Variants in FMO2 observed in about 807,000 individuals in gnomAD.
The protein encoded by FMO2 is flavin-containing monooxygenase 2.
A neutral mutation model predicts 41.6 loss-of-function variants in FMO2; 33 were observed. The ratio of observed to expected loss-of-function variants is 0.79; its 90% CI spans 0.60 to 1.06. The LOEUF (loss-of-function observed/expected upper bound fraction) is 1.06. FMO2 is among the 50% of genes least tolerant of loss of function. The pLI is 0.00. For synonymous variants in FMO2, 214 were observed against 219.6 expected, an observed-to-expected ratio of 0.97 and a Z score of 0.23; for missense variants, 619 against 632.9, an observed-to-expected ratio of 0.98 and a Z score of 0.23.
At chr1:171,194,797 G>A (rs917410625) in intron 3 of FMO2, among the ~76,000 whole-genome samples, 3 of 126,810 alleles carry the variant, frequency 2.4e-5, no homozygotes, top group African/African-American at 6.5e-5. Context: ...ATAACTGTTA[G>A]TGAGGCTTAT....
intron 5 of FMO2, among the ~76,000 whole-genome samples, chr1:171,203,541 G>A (rs1658625180): frequency 6.6e-6 from 1 of 152,074 alleles, no homozygotes; most frequent in African/African-American, 2.4e-5. Context: ...AACATGAGAG[G>A]AGGGAGGGAG....
Position 171,212,103 on chromosome 1 carries a change from A to G in FMO2, c.*2958A>G, listed in dbSNP as rs1403599419. Among the ~76,000 whole-genome samples, 1 of 152,158 alleles carries G rather than the reference A, an allele frequency of 6.6e-6. No homozygotes were observed. The highest frequency in any genetic ancestry group is 2.4e-5 in the African/African-American group (1 of 41,428). On this transcript the variant is annotated 3_prime_UTR_variant, in exon 9 of 9. Coordinates refer to ENST00000209929, the MANE Select transcript of FMO2 (RefSeq NM_001460.5). ...AGAATGTCAATGGTTATCACCTTCA[A>G]TAGTTTCAATATGTCCCCCAAAGTT...
chr1:171,206,724 T>G (rs751482974), intron 7 of FMO2, among the ~76,000 whole-genome samples: 1 of 152,170 alleles, frequency 6.6e-6, no homozygotes, highest in South Asian at 2.1e-4. Context: ...ACACTTCAGA[T>G]AGATTGTTTC....
intron 2 of FMO2, among the ~76,000 whole-genome samples, chr1:171,190,321 T>G (rs544198930): frequency 6.6e-6 from 1 of 152,334 alleles, no homozygotes; most frequent in African/African-American, 2.4e-5. Context: ...TTTCTGACAT[T>G]CTGAAAATTC....
At chr1:171,203,177 C>G (rs1658603259) in intron 5 of FMO2, among the ~76,000 whole-genome samples, 1 of 151,844 alleles carries the variant, frequency 6.6e-6, no homozygotes, top group African/African-American at 2.4e-5. Flanking sequence ...ACCGTCTCTA[C>G]AAAAAAATTG....
chr1:171,203,892 T>C lies in FMO2; in HGVS notation c.655T>C (p.Trp219Arg). Reference sequence around the variant, plus strand: ...TTTTATCAGCACCAGGCATGGCACCTGGGTCATGAGCCGTATCTCTGAAGA... The same window carrying C: ...TTTTATCAGCACCAGGCATGGCACCCGGGTCATGAGCCGTATCTCTGAAGA... ...QVFISTRHGT[W>R]VMSRISEDGY... Residue 219 changes from tryptophan to arginine, a missense_variant, in exon 6 of 9, where the codon TGG becomes CGG. Coordinates refer to ENST00000209929, the MANE Select transcript of FMO2 (RefSeq NM_001460.5). The C allele has an allele frequency of 6.2e-7, 1 of 1,613,570 alleles. No individual in the cohort carries two copies. Among genetic ancestry groups the C allele is most frequent in the Non-Finnish European group, 8.5e-7 (1 of 1,179,642 alleles).
chr1:171,185,445 C>T, intron 1 of FMO2, 86 bp downstream of exon 1: 1 of 296,332 alleles, frequency 3.4e-6, no homozygotes, highest in South Asian at 6.7e-5. Flanking sequence ...TAGTATGTTA[C>T]TGCATAGTCT....
At chr1:171,203,323 T>TCTCACACA (rs1553239438) in intron 5 of FMO2, among the ~76,000 whole-genome samples, 3 of 144,058 alleles carry the variant, frequency 2.1e-5, no homozygotes, top group African/African-American at 7.9e-5. Context: ...AGACCCTGTC[T>TCTCACACA]CACACACACA....
chr1:171,205,786 G>A, intron 7 of FMO2, 152 bp downstream of exon 7: 1 of 532,628 alleles, frequency 1.9e-6, no homozygotes, highest in Non-Finnish European at 3.3e-6. Flanking sequence ...AAAAGTTACT[G>A]GAGAATTCAA....
intron 2 of FMO2, 144 bp downstream of exon 2, chr1:171,185,989 T>C (rs1316504234): frequency 2.4e-5 from 22 of 901,998 alleles, no homozygotes; most frequent in Non-Finnish European, 3.7e-5. Context: ...ATAATGGAAC[T>C]GAAGTCATAG....
chr1:171,199,643 A>G, intron 5 of FMO2, 155 bp downstream of exon 5: 1 of 586,508 alleles, frequency 1.7e-6, no homozygotes, highest in Middle Eastern at 4.8e-4. Context: ...TCAAGAAACC[A>G]CTTTACCTCC....
At chr1:171,194,347 C>A (rs924789507) in intron 3 of FMO2, among the ~76,000 whole-genome samples, 1 of 152,184 alleles carries the variant, frequency 6.6e-6, no homozygotes, top group Admixed American at 6.5e-5. Flanking sequence ...TTGGAATTAC[C>A]TTTTCCTGTG....
chr1:171,204,844 C>T (rs1027353205), intron 6 of FMO2, among the ~76,000 whole-genome samples: 7 of 152,154 alleles, frequency 4.6e-5, no homozygotes, highest in African/African-American at 1.4e-4. Flanking sequence ...TTGATCCCTT[C>T]ATAGATTTCA....
At position 171,207,703 on chromosome 1, in the gene FMO2, C is replaced by T. The variant is rs1658820156; in HGVS notation, c.1184-15C>T. On this transcript the variant is annotated splice_polypyrimidine_tract_variant and intron_variant, in intron 7 of 8. Coordinates refer to ENST00000209929, the MANE Select transcript of FMO2 (RefSeq NM_001460.5). ...GACTCAAACTTACTATTCAAACCAA[C>T]CTTTTATTCCTTAGGCTTGTGTAGC... The T allele has an allele frequency of 1.3e-6, 2 of 1,567,786 alleles. No individual in the cohort carries two copies. Among genetic ancestry groups the T allele is most frequent in the Admixed American group, 1.8e-5 (1 of 56,650 alleles).
Sources: allele counts gnomAD v4.1 joint callset (sites outside exome capture counted in the v4.1 genomes callset), GRCh38; gene constraint gnomAD v4.1.1; transcripts MANE v1.5; gene names NCBI Gene and HGNC (gene_info 2026-07-23, HGNC 2026-07-21).